SOX5: variants seen among roughly 807,000 people sequenced by gnomAD.
The protein encoded by SOX5 is transcription factor SOX-5.
Under a neutral mutation model 92.0 loss-of-function variants are expected in SOX5, and 9 were observed. The observed-to-expected ratio is 0.10, with a 90% CI of 0.06 to 0.17. The LOEUF is 0.17. SOX5 is among the 10% of genes least tolerant of loss of function. The probability of loss-of-function intolerance (pLI) is 1.00; values close to 1 mark genes in which losing one functional copy is unlikely to be tolerated. For synonymous variants in SOX5, 344 were observed against 336.3 expected (o/e 1.02, Z -0.25); for missense variants, 642 against 944.5 (o/e 0.68, Z 4.20).
chr12:23,863,105 C>A (rs1219995798), intron 2 of SOX5, among the ~76,000 whole-genome samples: 1 of 152,254 alleles, frequency 6.6e-6, no homozygotes, highest in East Asian at 1.9e-4. Context: ...CAATCCCAAA[C>A]CCTGACAATT....
At chr12:24,198,818 C>T (rs565483987) in intron 4 of SOX5, among the ~76,000 whole-genome samples, 3 of 152,150 alleles carry the variant, frequency 2.0e-5, no homozygotes, top group African/African-American at 7.2e-5. Context: ...ACTTTTAATT[C>T]CTGCAGGGCA....
At chr12:23,840,124 C>T (rs1168082401) in intron 3 of SOX5, among the ~76,000 whole-genome samples, 1 of 151,926 alleles carries the variant, frequency 6.6e-6, no homozygotes, top group Non-Finnish European at 1.5e-5. Context: ...AATAGTGAGT[C>T]CTGAAAGGCC....
At chr12:24,482,635 AGTT>A (rs946855507) in intron 1 of SOX5, among the ~76,000 whole-genome samples, 45 of 152,212 alleles carry the variant, frequency 3.0e-4, no homozygotes, top group African/African-American at 1.0e-3. Context: ...ATATCCAAAA[AGTT>A]GTTGTTTCAA....
chr12:24,475,450 C>T (rs1006231745), intron 1 of SOX5, among the ~76,000 whole-genome samples: 6 of 152,140 alleles, frequency 3.9e-5, no homozygotes, highest in Non-Finnish European at 8.8e-5. Context: ...GCACTAGAAA[C>T]GTTTATGAAC....
At chr12:24,320,871 A>AATAAT (rs1565899408) in intron 2 of SOX5, among the ~76,000 whole-genome samples, 118 of 148,300 alleles carry the variant, frequency 8.0e-4, no homozygotes, top group African/African-American at 2.7e-3. Flanking sequence ...TCTCAAAAAA[A>AATAAT]AATAATAATA....
At chr12:23,647,107 T>C (rs2080954313) in intron 7 of SOX5, among the ~76,000 whole-genome samples, 1 of 152,218 alleles carries the variant, frequency 6.6e-6, no homozygotes, top group South Asian at 2.1e-4. Context: ...GGCTTGAAAG[T>C]CAAAATTACT....
At chr12:23,785,354 G>A (rs2095360315) in intron 3 of SOX5, among the ~76,000 whole-genome samples, 2 of 152,058 alleles carry the variant, frequency 1.3e-5, no homozygotes, top group African/African-American at 4.8e-5. Flanking sequence ...TGTTGTTATA[G>A]GATTAGTATA....
intron 4 of SOX5, among the ~76,000 whole-genome samples, chr12:24,190,865 C>A (rs1481782860): frequency 6.6e-6 from 1 of 152,110 alleles, no homozygotes; most frequent in Non-Finnish European, 1.5e-5. Flanking sequence ...TGAATTACAG[C>A]AACTCCAAGG....
Position 23,979,698 on chromosome 12 carries a change from G to GTTTTTTTTTTT in SOX5, c.-1-83675_-1-83674insAAAAAAAAAAA, listed in dbSNP as rs67253622. Among the ~76,000 whole-genome samples the GTTTTTTTTTTT allele has an allele frequency of 8.7e-3, 564 of 64,708 alleles. 205 individuals are homozygous for GTTTTTTTTTTT. Among genetic ancestry groups the GTTTTTTTTTTT allele is most frequent in the Non-Finnish European group, 9.9e-3 (369 of 37,152 alleles). 42.5% of individuals were successfully genotyped at this position (64,708 alleles called of 152,430 possible). On this transcript the variant is annotated intron_variant, in intron 4 of 4. Coordinates refer to the SOX5 transcript ENST00000446891. ...TTCTTCCTTCCATATATATATATAT[G>GTTTTTTTTTTT]TTTTTTTTGTTTTTTTTTTTTTTTT...
intron 3 of SOX5, among the ~76,000 whole-genome samples, chr12:24,249,051 C>T (rs542375754): frequency 2.7e-4 from 41 of 152,306 alleles, no homozygotes; most frequent in African/African-American, 9.1e-4. Flanking sequence ...TACATCATGC[C>T]CACACCACTG....
chr12:23,547,314 C>A (rs1316705776), intron 11 of SOX5, among the ~76,000 whole-genome samples: 1 of 152,018 alleles, frequency 6.6e-6, no homozygotes, highest in Non-Finnish European at 1.5e-5. Flanking sequence ...CCAAACAGCA[C>A]CAAAACAGTT....
chr12:24,056,148 A>T (rs1958077246), intron 4 of SOX5, among the ~76,000 whole-genome samples: 1 of 152,210 alleles, frequency 6.6e-6, no homozygotes, highest in Non-Finnish European at 1.5e-5. Context: ...TCATTAAAAA[A>T]ATACACACCA....
intron 2 of SOX5, among the ~76,000 whole-genome samples, chr12:23,882,684 A>G (rs552554231): frequency 3.9e-5 from 6 of 152,316 alleles, no homozygotes; most frequent in African/African-American, 1.2e-4. Context: ...AACTCACTAT[A>G]CAAAAAGTAC....
At chr12:23,736,689 C>CTTT (rs547312649) in intron 5 of SOX5, among the ~76,000 whole-genome samples, 1 of 132,624 alleles carries the variant, frequency 7.5e-6, no homozygotes, top group Non-Finnish European at 1.6e-5. Context: ...TGTTCTTTCT[C>CTTT]TTTTTTTTTT....
intron 3 of SOX5, among the ~76,000 whole-genome samples, chr12:23,802,237 C>G (rs1169264020): frequency 6.6e-6 from 1 of 151,942 alleles, no homozygotes; most frequent in Admixed American, 6.6e-5. Context: ...CCATGTCCAG[C>G]TAAATTTTTT....
chr12:24,474,246 AG>A (rs1945115072), intron 1 of SOX5, among the ~76,000 whole-genome samples: 1 of 152,178 alleles, frequency 6.6e-6, no homozygotes, highest in African/African-American at 2.4e-5. Flanking sequence ...ATTTTTGCTT[AG>A]ATAGATCTTG....
rs76793964 is a variant in SOX5, at chr12:23,867,978, C to A, written c.271-21785G>T. 5.4e-3 allele frequency among the ~76,000 whole-genome samples: 819 copies of A among 151,902 alleles called. 4 individuals are homozygous for A. The highest frequency in any genetic ancestry group is 8.6e-3 in the Non-Finnish European group (583 of 67,838). ...AAAATTTAAGGATGTGAAGAAATGA[C>A]AAAAATCATAACTACCTTTTAATTT... On this transcript the variant is annotated intron_variant, in intron 2 of 14. Transcript: ENST00000451604.
At chr12:24,362,866 G>GA (rs35979193) in intron 2 of SOX5, among the ~76,000 whole-genome samples, 10,564 of 102,046 alleles carry the variant, frequency 0.1, 570 homozygotes, top group African/African-American at 0.17. Flanking sequence ...AAACCACAGT[G>GA]AAAAAAAAAA....
chr12:24,453,524 T>C (rs988193430), intron 1 of SOX5, among the ~76,000 whole-genome samples: 7 of 152,236 alleles, frequency 4.6e-5, no homozygotes, highest in Admixed American at 4.6e-4. Flanking sequence ...TAGTAATATC[T>C]TATAGACCAG....
Sources: allele counts gnomAD v4.1 joint callset (sites outside exome capture counted in the v4.1 genomes callset), GRCh38; gene constraint gnomAD v4.1.1; transcripts MANE v1.5; gene names NCBI Gene and HGNC (gene_info 2026-07-23, HGNC 2026-07-21).